SEMA4A: variants seen among roughly 807,000 people sequenced by gnomAD.
The protein encoded by SEMA4A is semaphorin-4A.
In SEMA4A, 52 loss-of-function variants were observed where a neutral mutation model predicts 72.5. The ratio of observed to expected loss-of-function variants is 0.72; its 90% confidence interval spans 0.57 to 0.90. The LOEUF is 0.90. SEMA4A is among the 40% of genes least tolerant of loss of function. The probability of loss-of-function intolerance (pLI) is 0.00; values close to 1 mark genes in which losing one functional copy is unlikely to be tolerated. For missense variants in SEMA4A, 926 were observed against 959.7 expected (o/e 0.96, Z 0.46); for synonymous variants, 369 against 393.1 (o/e 0.94, Z 0.73).
intron 13 of SEMA4A, 46 bp downstream of exon 13, chr1:156,175,289 C>T (rs1182752598): frequency 6.4e-7 from 1 of 1,574,510 alleles, no homozygotes; most frequent in Admixed American, 1.8e-5. Context: ...AGCCAGGACC[C>T]TTCTCAGCCA....
chr1:156,176,670 G>C lies in SEMA4A; in HGVS notation c.1959G>C (p.Leu653=). Reference sequence around the variant, plus strand: ...AGACCCTGGCCCTGGATCCTGAACTGGCAGGCATCCCCCGGGAGCATGTGA... The same window carrying C: ...AGACCCTGGCCCTGGATCCTGAACTCGCAGGCATCCCCCGGGAGCATGTGA... ...QDQTLALDPE[L]AGIPREHVKV... The change falls in exon 15 of 15, where the codon CTG becomes CTC. Residue 653 remains leucine (L), a synonymous_variant. Coordinates refer to ENST00000368285, the MANE Select transcript of SEMA4A (RefSeq NM_022367.4). 2 of 1,614,210 alleles carry C rather than the reference G, an allele frequency of 1.2e-6. No individual in the cohort carries two copies. Among genetic ancestry groups the C allele is most frequent in the Non-Finnish European group, 1.7e-6 (2 of 1,180,034 alleles).
At chr1:156,156,914 T>C (rs1331278495) in intron 3 of SEMA4A, among the ~76,000 whole-genome samples, 2 of 152,016 alleles carry the variant, frequency 1.3e-5, no homozygotes, top group Non-Finnish European at 2.9e-5. Flanking sequence ...CTAATTTTAA[T>C]AGAGACGAGA....
Position 156,159,831 on chromosome 1 carries a change from T to A in SEMA4A, c.569-612T>A, listed in dbSNP as rs995677538. Among the ~76,000 whole-genome samples, 3 of 143,850 alleles carry A rather than the reference T, an allele frequency of 2.1e-5. No individual in the cohort carries two copies. In the Admixed American group the frequency reaches 2.2e-4, roughly 10 times the overall value. The allele number at this position is 143,850 out of a possible 152,430, so 94.4% of individuals were successfully genotyped here. ...ATCCCAGCTACTTGGGAGGCTGAGG[T>A]GGGAGGATCGCTTGAGATGGTCAAG... On this transcript the variant is annotated intron_variant, in intron 6 of 14. Transcript: ENST00000368285.
At chr1:156,160,290 G>T (rs1226820350) in intron 6 of SEMA4A, among the ~76,000 whole-genome samples, 153 bp from the exon 7 acceptor site, 1 of 152,028 alleles carries the variant, frequency 6.6e-6, no homozygotes, top group Non-Finnish European at 1.5e-5. Context: ...GTGAGGAGGG[G>T]GAGCTGGCCT....
At position 156,172,931 on chromosome 1, in the gene SEMA4A, G is replaced by A; in HGVS notation, c.1240G>A (p.Glu414Lys). The change falls in exon 11 of 15, where the codon GAG becomes AAG. Residue 414 changes from glutamate to lysine, a missense_variant. Glu to Lys is a moderately conservative substitution (Grantham distance 56). Coordinates refer to ENST00000368285, the MANE Select transcript of SEMA4A (RefSeq NM_022367.4). ...GTPLLVKSGV[E>K]YTRLAVETAQ... ...GCCCCTGCTGGTGAAATCTGGCGTG[G>A]AGTATACACGGCTTGCAGTGGAGAC... 6.2e-7 allele frequency: 1 copy of A among 1,614,146 alleles called. No homozygotes were observed. The highest frequency in any genetic ancestry group is 8.5e-7 in the Non-Finnish European group (1 of 1,179,988).
chr1:156,172,129 T>C (rs1406246504), intron 10 of SEMA4A, among the ~76,000 whole-genome samples: 3 of 137,232 alleles, frequency 2.2e-5, no homozygotes, highest in Non-Finnish European at 4.6e-5. Context: ...TATTTATTTA[T>C]TTATTTGAGA....
intron 2 of SEMA4A, 99 bp downstream of exon 2, chr1:156,154,816 G>A (rs563565055): frequency 1.5e-6 from 2 of 1,362,882 alleles, no homozygotes; most frequent in South Asian, 1.3e-5. Flanking sequence ...AATGGATATG[G>A]AGAAACAGGG....
chr1:156,162,352 G>A (rs868532155), intron 9 of SEMA4A, among the ~76,000 whole-genome samples: 1 of 152,256 alleles, frequency 6.6e-6, no homozygotes, highest in Non-Finnish European at 1.5e-5. Flanking sequence ...TGGCCCCACA[G>A]TGTTTAGGTA....
intron 11 of SEMA4A, among the ~76,000 whole-genome samples, 199 bp from the exon 12 acceptor site, chr1:156,174,623 C>G (rs1056461258): frequency 1.3e-5 from 2 of 152,144 alleles, no homozygotes; most frequent in Non-Finnish European, 2.9e-5. Context: ...AAAGGAAGGA[C>G]AGGGGTCCAA....
At chr1:156,166,314 A>AT (rs1189322160) in intron 10 of SEMA4A, among the ~76,000 whole-genome samples, 19 of 152,178 alleles carry the variant, frequency 1.2e-4, no homozygotes, top group African/African-American at 4.3e-4. Context: ...AAGTGCTGGG[A>AT]TTACAGGTGT....
Position 156,161,493 on chromosome 1 carries a change from A to G in SEMA4A, c.958A>G (p.Ile320Val). The G allele has an allele frequency of 1.2e-6, 2 of 1,614,016 alleles. No individual in the cohort carries two copies. ...LPADSPTAPH[I>V]YAVFTSQWQV... ...CGCCGATTCTCCCACAGCTCCCCACATCTACGCAGTCTTCACCTCCCAGTG... is the reference window on the plus strand; with the variant it reads ...CGCCGATTCTCCCACAGCTCCCCACGTCTACGCAGTCTTCACCTCCCAGTG... The change falls in exon 9 of 15, where the codon ATC becomes GTC. Residue 320 changes from isoleucine (I) to valine (V), a missense_variant. Coordinates refer to ENST00000368285, the MANE Select transcript of SEMA4A (RefSeq NM_022367.4).
intron 10 of SEMA4A, among the ~76,000 whole-genome samples, chr1:156,167,861 T>G (rs1654321891): frequency 6.6e-6 from 1 of 152,238 alleles, no homozygotes; most frequent in Non-Finnish European, 1.5e-5. Flanking sequence ...TAATGATGGA[T>G]TTCTGTGAAG....
intron 11 of SEMA4A, among the ~76,000 whole-genome samples, chr1:156,173,654 C>T (rs1201065511): frequency 3.3e-5 from 5 of 151,906 alleles, no homozygotes; most frequent in Non-Finnish European, 5.9e-5. Context: ...GCTGTAGCAG[C>T]GGGGTGTGAC....
At chr1:156,154,834 G>C in intron 2 of SEMA4A, 117 bp downstream of exon 2, 4 of 1,222,606 alleles carry the variant, frequency 3.3e-6, no homozygotes, top group East Asian at 2.6e-5. Flanking sequence ...GGGACACAGA[G>C]AGAGATGCCA....
chr1:156,175,619 G>A lies in SEMA4A; in HGVS notation c.1656G>A (p.Met552Ile). 1 of 1,612,702 alleles carries A rather than the reference G, an allele frequency of 6.2e-7. No individual in the cohort carries two copies. The highest frequency in any genetic ancestry group is 8.5e-7 in the Non-Finnish European group (1 of 1,179,412). The change falls in exon 14 of 15, where the codon ATG becomes ATA. Residue 552 changes from methionine to isoleucine, a missense_variant. Coordinates refer to ENST00000368285, the MANE Select transcript of SEMA4A (RefSeq NM_022367.4). ...AGTGGGCATGTGCCAGTGGCCCCAT[G>A]AGCAGGAGCCTTCGGCCTCAGAGCC... ...NPEWACASGP[M>I]SRSLRPQSRP...
upstream of SEMA4A, chr1:156,150,332 G>T (rs1652433654): frequency 6.5e-6 from 1 of 152,818 alleles, no homozygotes; most frequent in Admixed American, 6.5e-5. Flanking sequence ...ATGGGAAGAG[G>T]TGGAGGGACA....
chr1:156,166,308 G>A (rs1332920047), intron 10 of SEMA4A, among the ~76,000 whole-genome samples: 1 of 152,144 alleles, frequency 6.6e-6, no homozygotes, highest in African/African-American at 2.4e-5. Flanking sequence ...CTCCTAAAGT[G>A]CTGGGATTAC....
Position 156,156,496 on chromosome 1 carries a change from T to C in SEMA4A, c.222T>C (p.Asn74=). 5.0e-6 allele frequency: 8 copies of C among 1,614,106 alleles called. No individual in the cohort carries two copies. Among genetic ancestry groups the C allele is most frequent in the Non-Finnish European group, 5.9e-6 (7 of 1,180,020 alleles). Reference sequence around the variant, plus strand: ...CTCTGCTCCTGAGTGGTGATGGAAATACTCTCTACGTGGGGGCTCGAGAAG... The same window carrying C: ...CTCTGCTCCTGAGTGGTGATGGAAACACTCTCTACGTGGGGGCTCGAGAAG... ...FDTLLLSGDG[N]TLYVGAREAI... Residue 74 remains asparagine, a synonymous_variant, in exon 3 of 15, where the codon AAT becomes AAC. Coordinates refer to ENST00000368285, the MANE Select transcript of SEMA4A (RefSeq NM_022367.4).
rs1653592710 is a variant in SEMA4A, at chr1:156,161,177, G to A, written c.810+148G>A. The A allele has an allele frequency of 1.0e-5, 5 of 485,488 alleles. No homozygotes were observed. The South Asian group carries it at 1.5e-4, about 15-fold the overall frequency. 30.1% of individuals were successfully genotyped at this position (485,488 alleles called of 1,614,324 possible). A position where few individuals can be genotyped will look rare whatever the true frequency, so the allele number is the denominator to read the frequency against. ...TGGCGGGGTGGGGCGGGGGACAGCGGGGCTGGGCGGGTGGGGCGGGGGACA... is the reference window on the plus strand; with the variant it reads ...TGGCGGGGTGGGGCGGGGGACAGCGAGGCTGGGCGGGTGGGGCGGGGGACA... On this transcript the variant is annotated intron_variant, in intron 8 of 14. Coordinates refer to ENST00000368285, the MANE Select transcript of SEMA4A (RefSeq NM_022367.4).
Sources: allele counts gnomAD v4.1 joint callset (sites outside exome capture counted in the v4.1 genomes callset), GRCh38; gene constraint gnomAD v4.1.1; transcripts MANE v1.5; gene names NCBI Gene and HGNC (gene_info 2026-07-23, HGNC 2026-07-21).